SPAM1: variants seen among roughly 807,000 people sequenced by gnomAD.
SPAM1 encodes the protein sperm adhesion molecule 1.
SPAM1 carries 22 observed loss-of-function variants against 29.6 expected under a neutral mutation model. The observed-to-expected ratio is 0.74, with a 90% CI of 0.53 to 1.06. The LOEUF is 1.06. Among genes scored for constraint, SPAM1 ranks in the 50% least tolerant of loss-of-function variants. The pLI, the probability that SPAM1 is intolerant of heterozygous loss-of-function variation, is 0.00. For synonymous variants in SPAM1, 194 were observed against 204.6 expected (o/e 0.95, Z 0.44); for missense variants, 534 against 604.0 (o/e 0.88, Z 1.21).
chr7:123,954,564 A>G, intron 3 of SPAM1, 40 bp downstream of exon 3: 2 of 1,308,198 alleles, frequency 1.5e-6, no homozygotes, highest in Non-Finnish European at 2.1e-6. Context: ...AATGAAATTC[A>G]CAAAAGATGT....
In SPAM1 at chr7:123,959,919, T is replaced by A; in HGVS notation, c.1480T>A (p.Phe494Ile). The part of the protein sequence containing the change: ...ASPSTLSATM[F>I]IVSILFLIIS... ...ACCCTCCACACTATCTGCCACAATG[T>A]TCATTGTTAGTATTTTGTTTCTTAT... Residue 494 changes from phenylalanine to isoleucine, a missense_variant, in exon 5 of 5, where the codon TTC becomes ATC. Coordinates refer to ENST00000682466, the MANE Select transcript of SPAM1 (RefSeq NM_153189.3). The A allele has an allele frequency of 6.2e-7, 1 of 1,611,676 alleles. No homozygotes were observed. The highest frequency in any genetic ancestry group is 8.5e-7 in the Non-Finnish European group (1 of 1,179,104).
At chr7:123,944,557 G>A (rs181788407) in intron 1 of SPAM1, among the ~76,000 whole-genome samples, 11 of 152,256 alleles carry the variant, frequency 7.2e-5, no homozygotes. Context: ...CTCCCTGTGG[G>A]AAGTTCATTT....
rs1287629038 is a variant in SPAM1 at position 123,933,924 on chromosome 7, C to T, written c.-319+8572C>T. Among the ~76,000 whole-genome samples the T allele has an allele frequency of 3.3e-5, 5 of 152,222 alleles. No homozygotes were observed. In the South Asian group the frequency reaches 1.0e-3, roughly 32 times the overall value. On this transcript the variant is annotated intron_variant, in intron 1 of 4. Transcript: ENST00000682466. The stretch of plus-strand genomic sequence containing the variant: ...AGTGGAGCTGCAAAATTCCTATCAT[C>T]TAATGATGTTATAGTCATTGTACTG...
At position 123,954,322 on chromosome 7, in the gene SPAM1, G is replaced by C. The variant is rs761776007; in HGVS notation, c.752G>C (p.Trp251Ser). Residue 251 changes from tryptophan (W) to serine (S), a missense_variant, in exon 3 of 5, where the codon TGG (tryptophan) becomes TCG (serine). By Grantham distance (177) the Trp-to-Ser change is radical. Transcript: ENST00000682466. Reference sequence around the variant, plus strand: ...ATAAAAAGAAATGATGATCTCAGCTGGTTGTGGAATGAAAGCACTGCTCTT... The same window carrying C: ...ATAAAAAGAAATGATGATCTCAGCTCGTTGTGGAATGAAAGCACTGCTCTT... ...VEIKRNDDLS[W>S]LWNESTALYP... 1 of 1,612,986 alleles carries C rather than the reference G, an allele frequency of 6.2e-7. No individual in the cohort carries two copies. The highest frequency in any genetic ancestry group is 1.1e-5 in the South Asian group (1 of 90,914).
At chr7:123,971,302 T>A (rs535621008) in exon 7 of SPAM1, 6 of 152,228 alleles carry the variant, frequency 3.9e-5, no homozygotes, top group East Asian at 1.9e-4. Flanking sequence ...GCCTTTTCCA[T>A]CAATTTTAGC....
intron 2 of SPAM1, among the ~76,000 whole-genome samples, chr7:123,951,413 A>G (rs1211965269): frequency 6.6e-6 from 1 of 152,118 alleles, no homozygotes; most frequent in Admixed American, 6.6e-5. Context: ...CTTCAAACAA[A>G]AAGAAGACGT....
Position 123,959,995 on chromosome 7 carries a change from A to C in SPAM1, c.*26A>C, listed in dbSNP as rs774890154. 1 of 1,573,856 alleles carries C rather than the reference A, an allele frequency of 6.4e-7. No homozygotes were observed. The highest frequency in any genetic ancestry group is 1.2e-5 in the South Asian group (1 of 83,862). On this transcript the variant is annotated 3_prime_UTR_variant, in exon 5 of 5. Transcript: ENST00000682466. Reference sequence around the variant, plus strand: ...TTGCGCAGGTTAGCTGAAATGAACAATATGTCCATCTTAAAGTGTGCTTTT... The same window carrying C: ...TTGCGCAGGTTAGCTGAAATGAACACTATGTCCATCTTAAAGTGTGCTTTT...
chr7:123,951,066 A>C (rs936121571), intron 2 of SPAM1, among the ~76,000 whole-genome samples: 5 of 152,082 alleles, frequency 3.3e-5, no homozygotes, highest in Non-Finnish European at 7.4e-5. Flanking sequence ...TCTTTTGAAA[A>C]ATGCCTGTTA....
chr7:123,929,831 C>T lies in SPAM1; in HGVS notation c.-319+4479C>T, dbSNP rs531507363. On this transcript the variant is annotated intron_variant, in intron 1 of 4. Coordinates refer to ENST00000682466, the MANE Select transcript of SPAM1 (RefSeq NM_153189.3). ...GTATTCCTTGGCCTGGAGATTAGGC[C>T]AGAGTGCTTTCTGCCATTCTTGCAG... 3.3e-5 allele frequency among the ~76,000 whole-genome samples: 5 copies of T among 151,266 alleles called. No individual in the cohort carries two copies. In the South Asian group the frequency reaches 1.0e-3, roughly 32 times the overall value.
intron 1 of SPAM1, chr7:123,932,425 A>G (rs1399732620): frequency 1.3e-5 from 2 of 152,242 alleles, no homozygotes; most frequent in Non-Finnish European, 2.9e-5. Flanking sequence ...CATAACCTTC[A>G]TGTGAATCTG....
chr7:123,952,819 T>C (rs1792144612), intron 2 of SPAM1, among the ~76,000 whole-genome samples: 1 of 151,622 alleles, frequency 6.6e-6, no homozygotes, highest in South Asian at 2.1e-4. Flanking sequence ...TTGGTAGAAG[T>C]TTTTGGTTGA....
chr7:123,951,098 A>G (rs10235688), intron 2 of SPAM1, among the ~76,000 whole-genome samples: 5,402 of 151,942 alleles, frequency 0.036, 323 homozygotes, highest in African/African-American at 0.12. Context: ...CCACTTTTTA[A>G]TTGGGTTGTT....
At chr7:123,940,277 G>C (rs1043735351) in intron 1 of SPAM1, among the ~76,000 whole-genome samples, 1 of 151,908 alleles carries the variant, frequency 6.6e-6, no homozygotes, top group African/African-American at 2.4e-5. Flanking sequence ...GGTACCAATT[G>C]ATGAGTGGCT....
At position 123,957,640 on chromosome 7, in the gene SPAM1, CAGA is replaced by C. The variant is rs1442434271; in HGVS notation, c.1045-1838_1045-1836del. Among the ~76,000 whole-genome samples the C allele has an allele frequency of 2.6e-5, 4 of 151,982 alleles. No individual in the cohort carries two copies. In the South Asian group the frequency reaches 6.2e-4, roughly 24 times the overall value. On this transcript the variant is annotated intron_variant, in intron 4 of 4. Coordinates refer to ENST00000682466, the MANE Select transcript of SPAM1 (RefSeq NM_153189.3). ...ATTTGTTATCTTGTAGTTCTCAGAT[CAGA>C]AGAAGTCCAATATGGGTTTCAATGG... is the stretch of plus-strand genomic sequence containing the variant.
exon 7 of SPAM1, chr7:123,971,402 G>C (rs1410147827): frequency 1.3e-5 from 2 of 151,876 alleles, no homozygotes; most frequent in Non-Finnish European, 2.9e-5. Flanking sequence ...TTTTGGTTTT[G>C]CTCAAAAATA....
At chr7:123,970,386 G>A (rs1026713489) in intron 6 of SPAM1, 4 of 921,380 alleles carry the variant, frequency 4.3e-6, no homozygotes, top group Non-Finnish European at 6.4e-6. Context: ...TTGGATTGGA[G>A]AATACTCTAA....
intron 5 of SPAM1, among the ~76,000 whole-genome samples, chr7:123,966,035 A>C (rs1456495017): frequency 1.3e-5 from 2 of 152,064 alleles, no homozygotes; most frequent in African/African-American, 4.8e-5. Context: ...CAAAGATCTA[A>C]TATCTGTAGT....
At chr7:123,969,085 A>G (rs1792464779) in intron 5 of SPAM1, among the ~76,000 whole-genome samples, 1 of 152,042 alleles carries the variant, frequency 6.6e-6, no homozygotes, top group Non-Finnish European at 1.5e-5. Flanking sequence ...AACAAAGGCT[A>G]GGGTCAAGAT....
At chr7:123,956,844 A>G (rs1030619706) in intron 4 of SPAM1, among the ~76,000 whole-genome samples, 1 of 151,998 alleles carries the variant, frequency 6.6e-6, no homozygotes, top group Admixed American at 6.6e-5. Flanking sequence ...TGCATTCAGT[A>G]ATGTTTGGGA....
Sources: gnomAD v4.1 joint callset for allele counts (sites outside exome capture counted in the v4.1 genomes callset) on GRCh38, gnomAD v4.1.1 for gene constraint, MANE v1.5 for transcripts, NCBI Gene and HGNC (gene_info 2026-07-23, HGNC 2026-07-21) for gene names.